The following KCNIP3 variants were observed in gnomAD, a reference collection of about 807,000 sequenced individuals.
The protein encoded by KCNIP3 is calsenilin.
In KCNIP3, 28 loss-of-function variants were observed where a neutral mutation model predicts 35.0. The observed-to-expected ratio is 0.80, with a 90% confidence interval of 0.59 to 1.10. The LOEUF is 1.10. Among genes scored for constraint, KCNIP3 ranks in the 50% least tolerant of loss-of-function variants. The pLI is 0.00. For missense variants in KCNIP3, 295 were observed against 338.4 expected (o/e 0.87, Z 1.01); for synonymous variants, 134 against 133.8 (o/e 1.00, Z -0.01).
rs59973864 is a variant in KCNIP3, at chr2:95,345,839, G to C, written c.182-28457G>C. Among the ~76,000 whole-genome samples the C allele has an allele frequency of 9.4e-3, 1,428 of 152,310 alleles. 22 individuals carry two copies. The highest frequency in any genetic ancestry group is 0.034 in the Middle Eastern group (10 of 294). On this transcript the variant is annotated intron_variant, in intron 2 of 8. Coordinates refer to ENST00000295225, the MANE Select transcript of KCNIP3 (RefSeq NM_013434.5). ...TTTCGCGGCTTTCCCTCCTCTACCA[G>C]ACCCGGCAGGAAGAAAGCCACCCAC...
At chr2:95,357,417 C>T (rs1573510428) in intron 2 of KCNIP3, among the ~76,000 whole-genome samples, 1 of 152,122 alleles carries the variant, frequency 6.6e-6, no homozygotes, top group East Asian at 2.0e-4. Context: ...CTGCCTGCCT[C>T]TTCCCCAAGC....
At chr2:95,350,228 C>T (rs1348313534) in intron 2 of KCNIP3, among the ~76,000 whole-genome samples, 2 of 152,182 alleles carry the variant, frequency 1.3e-5, no homozygotes, top group Non-Finnish European at 2.9e-5. Flanking sequence ...TGTCTCCTGG[C>T]TCCTAGCACA....
chr2:95,344,035 G>A (rs1323738069), intron 2 of KCNIP3, among the ~76,000 whole-genome samples: 1 of 152,094 alleles, frequency 6.6e-6, no homozygotes, highest in African/African-American at 2.4e-5. Context: ...CCAGTGAACT[G>A]CTCCCTCCAC....
rs1680118562 is a variant in KCNIP3 at position 95,374,362 on chromosome 2, A to G, written c.248A>G (p.Gln83Arg). Residue 83 changes from glutamine (Q) to arginine (R), a missense_variant, in exon 3 of 9, where the codon CAG (glutamine) becomes CGG (arginine). Physicochemically the swap from Gln to Arg is conservative, Grantham distance 43. Coordinates refer to ENST00000295225, the MANE Select transcript of KCNIP3 (RefSeq NM_013434.5). ...RHQPEGLDQL[Q>R]AQTKFTKKEL... ...CAGCCAGAGGGGCTGGACCAGCTGC[A>G]GGCCCAGACCAAGTTCACCAAGAAG... The G allele has an allele frequency of 6.2e-7, 1 of 1,614,066 alleles. No individual in the cohort carries two copies. Among genetic ancestry groups the G allele is most frequent in the African/African-American group, 1.3e-5 (1 of 74,944 alleles).
In KCNIP3 at chr2:95,377,792, A is replaced by G. The variant is rs1209544524; in HGVS notation, c.447+2584A>G. On this transcript the variant is annotated intron_variant, in intron 5 of 8. Coordinates refer to ENST00000295225, the MANE Select transcript of KCNIP3 (RefSeq NM_013434.5). The surrounding 1 kb of genome is among the most constrained non-coding windows in gnomAD (Gnocchi z 4.7). Reference sequence around the variant, plus strand: ...CCTAGTACTGTCACTACTGTAGCCAACACACAGAGAGAGGCTAAGGGATAC... The same window carrying G: ...CCTAGTACTGTCACTACTGTAGCCAGCACACAGAGAGAGGCTAAGGGATAC... Among the ~76,000 whole-genome samples, 2 of 152,234 alleles carry G rather than the reference A, an allele frequency of 1.3e-5. No individual in the cohort carries two copies. The highest frequency in any genetic ancestry group is 4.8e-5 in the African/African-American group (2 of 41,456).
intron 5 of KCNIP3, among the ~76,000 whole-genome samples, chr2:95,379,893 C>G (rs973833332): frequency 6.6e-6 from 1 of 152,234 alleles, no homozygotes; most frequent in Non-Finnish European, 1.5e-5. Flanking sequence ...ATGATCTATG[C>G]TTGCAGCTAA....
chr2:95,301,308 A>G (rs971178521), intron 1 of KCNIP3, among the ~76,000 whole-genome samples: 1 of 152,216 alleles, frequency 6.6e-6, no homozygotes, highest in African/African-American at 2.4e-5. Context: ...GTGCACACAA[A>G]TGTCCATGGG....
intron 2 of KCNIP3, among the ~76,000 whole-genome samples, chr2:95,334,039 C>G (rs1242179832): frequency 2.0e-5 from 3 of 152,246 alleles, no homozygotes; most frequent in Non-Finnish European, 2.9e-5. Context: ...CACCCTTGGG[C>G]CCTCGGCTCA....
At chr2:95,311,183 ACATT>A (rs1295838342) in intron 2 of KCNIP3, 2 of 157,832 alleles carry the variant, frequency 1.3e-5, no homozygotes, top group Admixed American at 6.0e-5. Context: ...TCTCACACAC[ACATT>A]CAGACACCTC....
chr2:95,369,092 T>A (rs1345090069), intron 2 of KCNIP3, among the ~76,000 whole-genome samples: 1 of 152,266 alleles, frequency 6.6e-6, no homozygotes, highest in Non-Finnish European at 1.5e-5. Flanking sequence ...TTAAGAATGA[T>A]GTTAACTATA....
intron 2 of KCNIP3, among the ~76,000 whole-genome samples, chr2:95,350,083 A>G (rs1334714251): frequency 6.6e-6 from 1 of 152,074 alleles, no homozygotes; most frequent in Non-Finnish European, 1.5e-5. Flanking sequence ...TCTCAAGGGG[A>G]TCTGCGTTCC....
intron 1 of KCNIP3, among the ~76,000 whole-genome samples, chr2:95,302,206 C>T (rs1485917840): frequency 7.9e-5 from 12 of 152,136 alleles, no homozygotes. Context: ...TGGGGAGCCC[C>T]ACATCTGAGT....
At chr2:95,324,660 CCCAGCACTT>C in intron 2 of KCNIP3, among the ~76,000 whole-genome samples, 1 of 151,974 alleles carries the variant, frequency 6.6e-6, no homozygotes, top group Non-Finnish European at 1.5e-5. Flanking sequence ...CGCCTGTAAT[CCCAGCACTT>C]TGGGAGGCCA....
chr2:95,381,981 G>T (rs948596467), intron 6 of KCNIP3, among the ~76,000 whole-genome samples: 27 of 152,202 alleles, frequency 1.8e-4, no homozygotes, highest in African/African-American at 6.5e-4. Context: ...AGGCCTCGGG[G>T]AGATTTAAGT....
At chr2:95,379,841 A>G (rs558944575) in intron 5 of KCNIP3, among the ~76,000 whole-genome samples, 1 of 152,304 alleles carries the variant, frequency 6.6e-6, no homozygotes, top group South Asian at 2.1e-4. Context: ...CCTCTCTGAA[A>G]GTTTATAGGA....
chr2:95,375,294 C>T (rs113134107), intron 5 of KCNIP3, 86 bp downstream of exon 5: 70 of 1,242,036 alleles, frequency 5.6e-5, no homozygotes, highest in African/African-American at 4.0e-4. Context: ...TCAGGGCTGT[C>T]GAGAGAGCCA....
At chr2:95,370,998 ACCT>A (rs1313923237) in intron 2 of KCNIP3, among the ~76,000 whole-genome samples, 1 of 151,916 alleles carries the variant, frequency 6.6e-6, no homozygotes, top group African/African-American at 2.4e-5. Context: ...TGAACTCCTG[ACCT>A]CAAGTGATCC....
chr2:95,350,347 G>T (rs879725772), intron 2 of KCNIP3, among the ~76,000 whole-genome samples: 19 of 152,158 alleles, frequency 1.2e-4, no homozygotes, highest in Non-Finnish European at 2.2e-4. Flanking sequence ...TTTGTGGTTT[G>T]TCTCCCCCAG....
intron 2 of KCNIP3, chr2:95,369,022 G>A (rs1277292054): frequency 6.6e-6 from 1 of 152,236 alleles, no homozygotes; most frequent in Non-Finnish European, 1.5e-5. Flanking sequence ...CTGTAGAAAT[G>A]TGATTGATTT....
Sources: allele counts gnomAD v4.1 joint callset (sites outside exome capture counted in the v4.1 genomes callset), GRCh38; gene constraint gnomAD v4.1.1; non-coding constraint Gnocchi (gnomAD v3.1); transcripts MANE v1.5; gene names NCBI Gene and HGNC (gene_info 2026-07-23, HGNC 2026-07-21).